Variants in PARD3B observed in about 807,000 individuals in gnomAD.
The protein encoded by PARD3B is partitioning defective 3 homolog B.
Under a neutral mutation model 130.2 loss-of-function variants are expected in PARD3B, and 103 were observed. The observed-to-expected ratio is 0.79, with a 90% CI of 0.67 to 0.93. The LOEUF (loss-of-function observed/expected upper bound fraction) is 0.93, where lower values mean the gene tolerates loss of function less well. Among genes scored for constraint, PARD3B ranks in the 40% least tolerant of loss-of-function variants. The pLI is 0.00. For synonymous variants in PARD3B, 583 were observed against 553.2 expected, an observed-to-expected ratio of 1.05 and a Z score of -0.76; for missense variants, 1,609 against 1,499.2, an observed-to-expected ratio of 1.07 and a Z score of -1.21.
chr2:204,671,448 C>G (rs898522575), intron 1 of PARD3B, among the ~76,000 whole-genome samples: 1 of 152,162 alleles, frequency 6.6e-6, no homozygotes. Flanking sequence ...GTCTACTTTT[C>G]ATGATACCTG....
intron 16 of PARD3B, among the ~76,000 whole-genome samples, chr2:205,270,193 A>G (rs1231889970): frequency 1.3e-5 from 2 of 152,194 alleles, no homozygotes; most frequent in African/African-American, 4.8e-5. Context: ...CAGTAATAAT[A>G]ATATCTAAAT....
intron 4 of PARD3B, among the ~76,000 whole-genome samples, chr2:205,084,730 A>G (rs887389695): frequency 2.6e-5 from 4 of 151,682 alleles, no homozygotes; most frequent in Admixed American, 2.6e-4. Flanking sequence ...TCTTTTTGTT[A>G]TTGATCTTAA....
chr2:204,622,138 C>T (rs2034324554), intron 1 of PARD3B, among the ~76,000 whole-genome samples: 1 of 152,198 alleles, frequency 6.6e-6, no homozygotes, highest in African/African-American at 2.4e-5. Context: ...TTAGGTTCTA[C>T]CTTTCTAATT....
intron 18 of PARD3B, among the ~76,000 whole-genome samples, chr2:205,400,733 T>C (rs1239967766): frequency 9.2e-5 from 14 of 151,984 alleles, no homozygotes. Context: ...TCTGTCTTTC[T>C]CAGACTTCCA....
chr2:204,878,426 T>G (rs1474539058), intron 2 of PARD3B, among the ~76,000 whole-genome samples: 1 of 152,180 alleles, frequency 6.6e-6, no homozygotes, highest in Admixed American at 6.5e-5. Context: ...GATTTTGAAC[T>G]GTAGAGATAA....
intron 2 of PARD3B, among the ~76,000 whole-genome samples, chr2:204,847,876 A>G (rs934263019): frequency 6.6e-6 from 1 of 152,216 alleles, no homozygotes; most frequent in Non-Finnish European, 1.5e-5. Flanking sequence ...AAGATCTGTC[A>G]CAAGAAGGAA....
At chr2:205,333,114 A>T (rs1054517281) in intron 18 of PARD3B, among the ~76,000 whole-genome samples, 5 of 152,186 alleles carry the variant, frequency 3.3e-5, no homozygotes, top group Non-Finnish European at 7.3e-5. Context: ...ATGAAAGTAC[A>T]TACTACCCCA....
chr2:205,453,936 G>A (rs1032321097), intron 20 of PARD3B, among the ~76,000 whole-genome samples: 1 of 152,118 alleles, frequency 6.6e-6, no homozygotes, highest in African/African-American at 2.4e-5. Context: ...CTAAGCATGT[G>A]CAAATAGCAT....
chr2:205,195,696 G>A (rs2125812861), intron 15 of PARD3B, among the ~76,000 whole-genome samples: 1 of 152,196 alleles, frequency 6.6e-6, no homozygotes, highest in Middle Eastern at 3.4e-3. Context: ...AATAATCCTA[G>A]CAGGATCTTG....
intron 21 of PARD3B, among the ~76,000 whole-genome samples, chr2:205,545,063 G>T (rs1226731309): frequency 6.6e-6 from 1 of 152,188 alleles, no homozygotes; most frequent in Non-Finnish European, 1.5e-5. Flanking sequence ...AAATCAAATT[G>T]TGGAAAACAA....
At chr2:205,150,350 G>A (rs921736093) in intron 10 of PARD3B, among the ~76,000 whole-genome samples, 35 of 151,794 alleles carry the variant, frequency 2.3e-4, no homozygotes, top group African/African-American at 8.2e-4. Flanking sequence ...TTGGGGGTTC[G>A]TCATATCACT....
chr2:205,308,811 C>G (rs1432345392), intron 18 of PARD3B, among the ~76,000 whole-genome samples: 4 of 152,112 alleles, frequency 2.6e-5, no homozygotes, highest in Admixed American at 2.6e-4. Flanking sequence ...GGCCATGGCT[C>G]TCACGGAATT....
intron 18 of PARD3B, among the ~76,000 whole-genome samples, chr2:205,328,104 A>G (rs1279285476): frequency 6.6e-6 from 1 of 152,216 alleles, no homozygotes; most frequent in African/African-American, 2.4e-5. Flanking sequence ...TTACCACCAA[A>G]TTAGACATTT....
chr2:204,953,420 C>CACAGAGAG (rs1396079084), intron 2 of PARD3B, among the ~76,000 whole-genome samples: 3 of 123,232 alleles, frequency 2.4e-5, no homozygotes, highest in Non-Finnish European at 3.4e-5. Context: ...TACACACACA[C>CACAGAGAG]AGAGAGAGAG....
Position 205,550,917 on chromosome 2 carries a change from A to C in PARD3B, c.3181-2407A>C, listed in dbSNP as rs2052591993. ...ATACATAATCATGTTATAAATACAT[A>C]TAATTATGTGTGTGTGTGTGTGTGT... On this transcript the variant is annotated intron_variant, in intron 21 of 22. Coordinates refer to ENST00000406610, the MANE Select transcript of PARD3B (RefSeq NM_001302769.2). The surrounding 1 kb of genome is among the most constrained non-coding windows in gnomAD (Gnocchi z 4.5). 8.1e-6 allele frequency among the ~76,000 whole-genome samples: 1 copy of C among 124,208 alleles called. No homozygotes were observed. The allele number at this position is 124,208 out of a possible 152,430, so 81.5% of individuals were successfully genotyped here. A position where few individuals can be genotyped will look rare whatever the true frequency, so the allele number is the denominator to read the frequency against.
chr2:204,636,360 T>C (rs1559198402), intron 1 of PARD3B, among the ~76,000 whole-genome samples: 1 of 152,102 alleles, frequency 6.6e-6, no homozygotes, highest in Non-Finnish European at 1.5e-5. Flanking sequence ...TCCAGCTAGA[T>C]ACAAGTGTAT....
intron 3 of PARD3B, among the ~76,000 whole-genome samples, chr2:204,999,002 T>A (rs1322202699): frequency 6.6e-6 from 1 of 152,172 alleles, no homozygotes; most frequent in African/African-American, 2.4e-5. Context: ...GCTGATTTTT[T>A]AAAATTTAAA....
chr2:204,813,745 G>C (rs1050720121), intron 2 of PARD3B, among the ~76,000 whole-genome samples: 1 of 152,020 alleles, frequency 6.6e-6, no homozygotes, highest in Non-Finnish European at 1.5e-5. Flanking sequence ...TCAGCTGCTT[G>C]AGAACCATTT....
intron 1 of PARD3B, among the ~76,000 whole-genome samples, chr2:204,670,880 G>A (rs2036267298): frequency 6.6e-6 from 1 of 152,012 alleles, no homozygotes; most frequent in Admixed American, 6.6e-5. Flanking sequence ...TAATAGTTAT[G>A]TAAAATGTCT....
Sources: allele counts gnomAD v4.1 joint callset (sites outside exome capture counted in the v4.1 genomes callset), GRCh38; gene constraint gnomAD v4.1.1; non-coding constraint Gnocchi (gnomAD v3.1); transcripts MANE v1.5; gene names NCBI Gene and HGNC (gene_info 2026-07-23, HGNC 2026-07-21).